Variants in TRAPPC8 observed in about 807,000 individuals in gnomAD.
TRAPPC8 encodes general sporulation gene 1 homolog.
TRAPPC8 carries 54 observed loss-of-function variants against 174.3 expected under a neutral mutation model. The ratio of observed to expected loss-of-function variants is 0.31; its 90% CI spans 0.25 to 0.39. The LOEUF is 0.39. Ranked by LOEUF, TRAPPC8 falls within the 10% of genes least tolerant of loss-of-function variation. TRAPPC8 has a pLI of 1.00. For synonymous variants in TRAPPC8, 630 were observed against 579.9 expected (o/e 1.09, Z -1.24); for missense variants, 1,531 against 1,699.1 (o/e 0.90, Z 1.74).
At position 31,890,767 on chromosome 18, in the gene TRAPPC8, A is replaced by G; in HGVS notation, c.1696T>C (p.Leu566=). Residue 566 remains leucine, a synonymous_variant, in exon 12 of 29, where the codon TTG becomes CTG. Coordinates refer to ENST00000283351, the MANE Select transcript of TRAPPC8 (RefSeq NM_014939.5). ...GCTTTACTAAATCGATGGCCTGCCA[A>G]TATCATATGAAATGCATATTTTCTA... The part of the protein sequence containing the change: ...MVRKYAFHMI[L]AGHRFSKAGQ... The G allele has an allele frequency of 1.2e-6, 2 of 1,612,188 alleles. No individual in the cohort carries two copies. Among genetic ancestry groups the G allele is most frequent in the Non-Finnish European group, 1.7e-6 (2 of 1,178,904 alleles).
In TRAPPC8 at chr18:31,876,489, C is replaced by CAAAAAAAAAAAAAAAAAAAAAAAAAAA. The variant is rs71175801; in HGVS notation, c.1729-1786_1729-1785insTTTTTTTTTTTTTTTTTTTTTTTTTTT. On this transcript the variant is annotated intron_variant, in intron 12 of 28. Transcript: ENST00000283351. ...TGGGCTACACTGCGAGACTCCATCTCAAAAAAAAAAAAAAAAAAAAAAAGA... is the reference window on the plus strand; with the variant it reads ...TGGGCTACACTGCGAGACTCCATCTCAAAAAAAAAAAAAAAAAAAAAAAAAAAAAAAAAAAAAAAAAAAAAAAAAAGA... Among the ~76,000 whole-genome samples the CAAAAAAAAAAAAAAAAAAAAAAAAAAA allele has an allele frequency of 1.8e-4, 9 of 48,718 alleles. 2 individuals carry two copies. The highest frequency in any genetic ancestry group is 6.2e-4 in the East Asian group (1 of 1,626). The allele number at this position is 48,718 out of a possible 152,430, so 32.0% of individuals were successfully genotyped here.
chr18:31,932,427 C>CAA (rs1360020262), intron 1 of TRAPPC8, among the ~76,000 whole-genome samples: 2 of 121,826 alleles, frequency 1.6e-5, no homozygotes, highest in Non-Finnish European at 1.8e-5. Flanking sequence ...ACTTGGTCTC[C>CAA]AAAAAAAAAA....
chr18:31,830,671 A>C lies in TRAPPC8; in HGVS notation c.*84T>G. On this transcript the variant is annotated 3_prime_UTR_variant, in exon 29 of 29. Coordinates refer to ENST00000283351, the MANE Select transcript of TRAPPC8 (RefSeq NM_014939.5). ...GATCAGATATCAATCAACCTCCATA[A>C]CAAGTTAGGTATATCAAATACTGCT... is the stretch of plus-strand genomic sequence containing the variant. 8.6e-7 allele frequency: 1 copy of C among 1,161,138 alleles called. No homozygotes were observed. Among genetic ancestry groups the C allele is most frequent in the Admixed American group, 2.4e-5 (1 of 41,000 alleles). The allele number at this position is 1,161,138 out of a possible 1,614,324, so 71.9% of individuals were successfully genotyped here. A position where few individuals can be genotyped will look rare whatever the true frequency, so the allele number is the denominator to read the frequency against.
At chr18:31,873,901 T>A (rs2035014431) in intron 13 of TRAPPC8, 1 of 186,500 alleles carries the variant, frequency 5.4e-6, no homozygotes, top group Admixed American at 5.6e-5. Flanking sequence ...GGTAGTTATT[T>A]TCTGCACGAT....
intron 25 of TRAPPC8, among the ~76,000 whole-genome samples, chr18:31,849,216 A>T (rs187452385): frequency 1.3e-5 from 2 of 152,276 alleles, no homozygotes; most frequent in Admixed American, 6.5e-5. Context: ...ACAAAAAATT[A>T]ATGGTTTTTG....
intron 11 of TRAPPC8, among the ~76,000 whole-genome samples, chr18:31,894,155 T>C (rs374750196): frequency 6.6e-6 from 1 of 152,352 alleles, no homozygotes; most frequent in African/African-American, 2.4e-5. Context: ...AATCAGTTTC[T>C]AGACTGACTG....
At chr18:31,865,004 C>CA (rs1200162412) in intron 18 of TRAPPC8, among the ~76,000 whole-genome samples, 6 of 151,742 alleles carry the variant, frequency 4.0e-5, no homozygotes, top group African/African-American at 1.5e-4. Flanking sequence ...ATATACTTTG[C>CA]AAAAAAAGAC....
At chr18:31,843,262 C>A (rs542240126) in intron 26 of TRAPPC8, among the ~76,000 whole-genome samples, 1 of 152,198 alleles carries the variant, frequency 6.6e-6, no homozygotes, top group African/African-American at 2.4e-5. Flanking sequence ...AACAATATCA[C>A]CTCTTCTGTC....
chr18:31,864,109 T>C (rs1208846022), intron 19 of TRAPPC8, among the ~76,000 whole-genome samples: 4 of 149,646 alleles, frequency 2.7e-5, no homozygotes, highest in African/African-American at 9.7e-5. Flanking sequence ...TACTTTAGTA[T>C]TACAGAACAA....
intron 10 of TRAPPC8, among the ~76,000 whole-genome samples, chr18:31,898,135 A>G (rs1438853470): frequency 6.6e-6 from 1 of 152,050 alleles, no homozygotes; most frequent in African/African-American, 2.4e-5. Flanking sequence ...ATTACTTATA[A>G]TACCTACTAC....
At chr18:31,880,090 A>AAAAAAAAATATATAT (rs1259899654) in intron 12 of TRAPPC8, among the ~76,000 whole-genome samples, 6 of 85,380 alleles carry the variant, frequency 7.0e-5, no homozygotes, top group African/African-American at 3.1e-4. Context: ...TGAAAAAAAA[A>AAAAAAAAATATATAT]ATATATATAT....
At chr18:31,890,917 A>G in intron 11 of TRAPPC8, 51 bp from the exon 12 acceptor site, 1 of 1,535,580 alleles carries the variant, frequency 6.5e-7, no homozygotes, top group Non-Finnish European at 8.8e-7. Flanking sequence ...GTTAAAAGTA[A>G]ATAGATAACT....
chr18:31,923,804 G>A (rs1598745221), intron 2 of TRAPPC8, among the ~76,000 whole-genome samples: 1 of 151,770 alleles, frequency 6.6e-6, no homozygotes, highest in African/African-American at 2.4e-5. Context: ...CTTAAGCCCA[G>A]GAGTTCGAGA....
intron 14 of TRAPPC8, among the ~76,000 whole-genome samples, chr18:31,872,318 A>T (rs1016303567): frequency 6.6e-6 from 1 of 152,024 alleles, no homozygotes; most frequent in Non-Finnish European, 1.5e-5. Context: ...TCCTGCATTT[A>T]AAAAAAAGTC....
At chr18:31,933,254 T>C (rs1474168693) in intron 1 of TRAPPC8, among the ~76,000 whole-genome samples, 1 of 143,608 alleles carries the variant, frequency 7.0e-6, no homozygotes, top group East Asian at 2.0e-4. Context: ...TGAGCTGAGA[T>C]CGTGCCACTG....
At chr18:31,919,182 T>G (rs911962327) in intron 2 of TRAPPC8, among the ~76,000 whole-genome samples, 1 of 152,152 alleles carries the variant, frequency 6.6e-6, no homozygotes, top group African/African-American at 2.4e-5. Context: ...CACGATTTCA[T>G]GTTCATCGTT....
At position 31,904,699 on chromosome 18, in the gene TRAPPC8, A is replaced by G. The variant is rs528532466; in HGVS notation, c.1389+2761T>C. Among the ~76,000 whole-genome samples, 6 of 152,296 alleles carry G rather than the reference A, an allele frequency of 3.9e-5. No individual in the cohort carries two copies. The South Asian group carries it at 1.2e-3, about 32-fold the overall frequency. On this transcript the variant is annotated intron_variant, in intron 9 of 28. Transcript: ENST00000283351. ...TCACTGAAGAAGCTAAATAAAATAC[A>G]TAATATCCATGTGACAAAATATCGT...
chr18:31,936,148 T>C (rs1568158948), intron 1 of TRAPPC8, among the ~76,000 whole-genome samples: 2 of 151,402 alleles, frequency 1.3e-5, no homozygotes, highest in Non-Finnish European at 2.9e-5. Flanking sequence ...TTTATACATA[T>C]AAAACTTTAC....
At chr18:31,863,678 G>A (rs1471442924) in intron 19 of TRAPPC8, among the ~76,000 whole-genome samples, 1 of 152,098 alleles carries the variant, frequency 6.6e-6, no homozygotes, top group African/African-American at 2.4e-5. Flanking sequence ...TTGGAGGTAG[G>A]TTGCTATCCT....
Sources: gnomAD v4.1 joint callset for allele counts (sites outside exome capture counted in the v4.1 genomes callset) on GRCh38, gnomAD v4.1.1 for gene constraint, MANE v1.5 for transcripts, NCBI Gene and HGNC (gene_info 2026-07-23, HGNC 2026-07-21) for gene names.